Variants in RYR3 observed in about 807,000 individuals in gnomAD.
The protein encoded by RYR3 is brain ryanodine receptor-calcium release channel.
Under a neutral mutation model 584.3 loss-of-function variants are expected in RYR3, and 207 were observed. The observed-to-expected ratio is 0.35, with a 90% CI of 0.32 to 0.40. RYR3 has a LOEUF of 0.40. RYR3 is among the 10% of genes least tolerant of loss of function. The pLI, the probability that RYR3 is intolerant of heterozygous loss-of-function variation, is 1.00. For synonymous variants in RYR3, 2,416 were observed against 2,248.5 expected (o/e 1.07, Z -2.11); for missense variants, 5,616 against 6,089.2 (o/e 0.92, Z 2.59).
At chr15:33,605,543 C>T (rs922832123) in intron 18 of RYR3, among the ~76,000 whole-genome samples, 1 of 152,146 alleles carries the variant, frequency 6.6e-6, no homozygotes, top group South Asian at 2.1e-4. Flanking sequence ...TGTAGGTGCA[C>T]TCCAGGGATT....
chr15:33,845,148 C>T, intron 93 of RYR3, 86 bp downstream of exon 93: 2 of 1,408,230 alleles, frequency 1.4e-6, no homozygotes, highest in Admixed American at 3.5e-5. Flanking sequence ...TGCTCTAAGA[C>T]TTTGCTAGCC....
intron 38 of RYR3, among the ~76,000 whole-genome samples, chr15:33,677,578 C>A (rs1054205483): frequency 1.3e-5 from 2 of 152,100 alleles, no homozygotes; most frequent in Non-Finnish European, 2.9e-5. Flanking sequence ...TGGATGAAAC[C>A]CCTTGGGACT....
At chr15:33,650,539 A>C (rs1030134244) in intron 31 of RYR3, among the ~76,000 whole-genome samples, 4 of 152,218 alleles carry the variant, frequency 2.6e-5, no homozygotes, top group African/African-American at 9.6e-5. Flanking sequence ...AGATTAAATA[A>C]GTTAATTCAT....
At chr15:33,414,960 A>G (rs773653166) in intron 1 of RYR3, among the ~76,000 whole-genome samples, 2 of 152,154 alleles carry the variant, frequency 1.3e-5, no homozygotes, top group African/African-American at 2.4e-5. Flanking sequence ...CTTCTGGGTT[A>G]TATATAGGCA....
At position 33,739,972 on chromosome 15, in the gene RYR3, C is replaced by T; in HGVS notation, c.7797C>T (p.Asp2599=). 6.2e-7 allele frequency: 1 copy of T among 1,613,878 alleles called. No individual in the cohort carries two copies. Among genetic ancestry groups the T allele is most frequent in the Non-Finnish European group, 8.5e-7 (1 of 1,179,854 alleles). The change falls in exon 51 of 104, where the codon GAC becomes GAT. Residue 2599 remains aspartate, a synonymous_variant. Coordinates refer to ENST00000634891, the MANE Select transcript of RYR3 (RefSeq NM_001036.6). The stretch of plus-strand genomic sequence containing the variant: ...CAGTGGATGCGGATGGCAACTTTGA[C>T]CCAAAACCTATTAACACCATGAAGT... ...QISVDADGNF[D]PKPINTMNFS...
chr15:33,577,782 C>T (rs534784060), intron 12 of RYR3, among the ~76,000 whole-genome samples: 1 of 152,254 alleles, frequency 6.6e-6, no homozygotes, highest in South Asian at 2.1e-4. Context: ...TCCAATTAAA[C>T]TAAAGAGCTT....
chr15:33,322,512 T>C (rs1969107602), intron 1 of RYR3, among the ~76,000 whole-genome samples: 2 of 152,170 alleles, frequency 1.3e-5, no homozygotes, highest in Non-Finnish European at 2.9e-5. Context: ...GGGATTACAA[T>C]TCAACAAGAG....
chr15:33,708,987 G>C (rs2066912006), intron 43 of RYR3, among the ~76,000 whole-genome samples: 2 of 152,158 alleles, frequency 1.3e-5, no homozygotes, highest in African/African-American at 2.4e-5. Context: ...GAATAAGTCA[G>C]GGTGGAGCAG....
At chr15:33,596,148 T>C (rs607264) in intron 16 of RYR3, among the ~76,000 whole-genome samples, 14,166 of 151,996 alleles carry the variant, frequency 0.093, 752 homozygotes, top group Middle Eastern at 0.15. Context: ...TACCTTGTTG[T>C]ATACATAACC....
At chr15:33,694,429 A>G (rs1317272000) in intron 38 of RYR3, among the ~76,000 whole-genome samples, 4 of 151,882 alleles carry the variant, frequency 2.6e-5, no homozygotes, top group Non-Finnish European at 5.9e-5. Context: ...TATTTTTAGT[A>G]GAGACGGGGT....
chr15:33,376,367 C>T (rs376984723), intron 1 of RYR3, among the ~76,000 whole-genome samples: 3 of 152,238 alleles, frequency 2.0e-5, no homozygotes, highest in East Asian at 3.8e-4. Context: ...ATCCATTCCC[C>T]TCTGATGGAC....
chr15:33,552,733 C>T (rs1056178677), intron 10 of RYR3, among the ~76,000 whole-genome samples: 4 of 152,122 alleles, frequency 2.6e-5, no homozygotes, highest in African/African-American at 9.7e-5. Flanking sequence ...TGTGAAGCTG[C>T]ACAATAAGGA....
chr15:33,623,089 G>C lies in RYR3; in HGVS notation c.2358-718G>C, dbSNP rs546666422. Among the ~76,000 whole-genome samples, 18 of 152,278 alleles carry C rather than the reference G, an allele frequency of 1.2e-4. No homozygotes were observed. The South Asian group carries it at 3.5e-3, about 30-fold the overall frequency. On this transcript the variant is annotated intron_variant, in intron 19 of 103. Transcript: ENST00000634891. Reference sequence around the variant, plus strand: ...GTCCCAGTGAGCACTGCAGGAGGTGGGCCAGGGTGTCAGGACTGGGTACTA... The same window carrying C: ...GTCCCAGTGAGCACTGCAGGAGGTGCGCCAGGGTGTCAGGACTGGGTACTA...
chr15:33,755,935 G>C (rs2071776111), intron 58 of RYR3, among the ~76,000 whole-genome samples: 1 of 151,988 alleles, frequency 6.6e-6, no homozygotes, highest in African/African-American at 2.4e-5. Context: ...ACGCCTGCCT[G>C]GCTAATTTTT....
At chr15:33,773,115 G>T (rs2073718268) in intron 63 of RYR3, among the ~76,000 whole-genome samples, 1 of 152,196 alleles carries the variant, frequency 6.6e-6, no homozygotes, top group African/African-American at 2.4e-5. Flanking sequence ...GTATCTTCCT[G>T]GGAAATGAGC....
intron 28 of RYR3, among the ~76,000 whole-genome samples, chr15:33,645,686 G>A (rs2062062018): frequency 1.3e-5 from 2 of 152,174 alleles, no homozygotes; most frequent in Non-Finnish European, 2.9e-5. Flanking sequence ...ATTATTGTAA[G>A]CCTCAGTTCA....
rs911215583 is a variant in RYR3, at chr15:33,865,293, C to T, written c.*67C>T. ...CCCATGAAATAAAGTCCCCTTTTTA[C>T]AGTTCTGCAACATATCTGAAATGTG... On this transcript the variant is annotated 3_prime_UTR_variant, in exon 104 of 104. Transcript: ENST00000634891. 1 of 1,118,710 alleles carries T rather than the reference C, an allele frequency of 8.9e-7. No individual in the cohort carries two copies. The highest frequency in any genetic ancestry group is 1.3e-6 in the Non-Finnish European group (1 of 747,988). The allele number at this position is 1,118,710 out of a possible 1,614,324, so 69.3% of individuals were successfully genotyped here. A position where few individuals can be genotyped will look rare whatever the true frequency, so the allele number is the denominator to read the frequency against.
intron 3 of RYR3, among the ~76,000 whole-genome samples, chr15:33,523,352 C>T (rs2140984523): frequency 6.6e-6 from 1 of 152,290 alleles, no homozygotes; most frequent in East Asian, 1.9e-4. Flanking sequence ...TGGGTCCACA[C>T]TACCTTTATG....
intron 98 of RYR3, chr15:33,856,789 G>GCT (rs1160259699): frequency 1.3e-5 from 2 of 152,458 alleles, no homozygotes; most frequent in Non-Finnish European, 2.9e-5. Context: ...CTCCCAAGTA[G>GCT]GTGGGATTAC....
Sources: allele counts gnomAD v4.1 joint callset (sites outside exome capture counted in the v4.1 genomes callset), GRCh38; gene constraint gnomAD v4.1.1; transcripts MANE v1.5; gene names NCBI Gene and HGNC (gene_info 2026-07-23, HGNC 2026-07-21).